SPTBN1: variants seen among roughly 807,000 people sequenced by gnomAD.
SPTBN1 encodes the protein spectrin beta, non-erythrocytic 1.
A neutral mutation model predicts 266.4 loss-of-function variants in SPTBN1; 32 were observed. The ratio of observed to expected loss-of-function variants is 0.12; its 90% CI spans 0.09 to 0.16. The LOEUF is 0.16. Ranked by LOEUF, SPTBN1 falls within the 10% of genes least tolerant of loss-of-function variation. The pLI, the probability that SPTBN1 is intolerant of heterozygous loss-of-function variation, is 1.00. For missense variants in SPTBN1, 2,296 were observed against 3,067.1 expected (o/e 0.75, Z 5.94); for synonymous variants, 1,336 against 1,162.2 (o/e 1.15, Z -3.04).
At chr2:54,656,050 C>G (rs761554805) in intron 29 of SPTBN1, 52 bp downstream of exon 29, 2 of 1,473,286 alleles carry the variant, frequency 1.4e-6, no homozygotes, top group African/African-American at 1.4e-5. Context: ...GGAAAACATG[C>G]ACGTTTATTT....
chr2:54,648,722 G>A (rs989306026), intron 24 of SPTBN1, among the ~76,000 whole-genome samples: 3 of 152,168 alleles, frequency 2.0e-5, no homozygotes, highest in Admixed American at 2.0e-4. Flanking sequence ...GCAGAATGAG[G>A]CACTACCCAT....
chr2:54,606,859 A>C (rs773844184), intron 3 of SPTBN1, among the ~76,000 whole-genome samples: 2 of 152,220 alleles, frequency 1.3e-5, no homozygotes, highest in Non-Finnish European at 2.9e-5. Context: ...CCGTGGAGAG[A>C]GAGCACCAGT....
chr2:54,475,728 A>G (rs1262886938), intron 1 of SPTBN1, among the ~76,000 whole-genome samples: 1 of 152,184 alleles, frequency 6.6e-6, no homozygotes, highest in East Asian at 1.9e-4. Flanking sequence ...ATTCAGACTC[A>G]TTGTTTAGTG....
chr2:54,616,904 A>G (rs1196020701), intron 5 of SPTBN1, among the ~76,000 whole-genome samples: 1 of 152,210 alleles, frequency 6.6e-6, no homozygotes, highest in African/African-American at 2.4e-5. Flanking sequence ...TTAGGTGTAG[A>G]TGTAACTCTA....
At chr2:54,600,280 T>G (rs1676408383) in intron 3 of SPTBN1, among the ~76,000 whole-genome samples, 1 of 152,170 alleles carries the variant, frequency 6.6e-6, no homozygotes, top group African/African-American at 2.4e-5. Flanking sequence ...CAGAAAAGTA[T>G]TCTCTTCCCT....
intron 2 of SPTBN1, among the ~76,000 whole-genome samples, chr2:54,542,320 T>C (rs545089953): frequency 6.6e-6 from 1 of 152,234 alleles, no homozygotes; most frequent in South Asian, 2.1e-4. Flanking sequence ...CGAGATGCCA[T>C]GAGAAGAGCT....
intron 19 of SPTBN1, 73 bp downstream of exon 19, chr2:54,643,202 A>G: frequency 1.9e-6 from 3 of 1,583,980 alleles, no homozygotes; most frequent in South Asian, 2.3e-5. Flanking sequence ...TTTATTTAGC[A>G]CATTTTCCAG....
In SPTBN1 at chr2:54,629,366, C is replaced by G. The variant is rs759285692; in HGVS notation, c.2232C>G (p.Ser744=). 1 of 1,614,090 alleles carries G rather than the reference C, an allele frequency of 6.2e-7. No homozygotes were observed. The highest frequency in any genetic ancestry group is 2.2e-5 in the East Asian group (1 of 44,886). ...AIRKKRLEEA[S]LLHQFQADAD... is the part of the protein sequence containing the mutation. ...GGAAGAAGCGCCTGGAGGAGGCCTC[C>G]CTGCTGCACCAGTTCCAGGCAGATG... The change falls in exon 14 of 36, where the codon TCC becomes TCG. Residue 744 remains serine (S), a synonymous_variant. Transcript: ENST00000356805.
chr2:54,569,410 T>C (rs1267821210), intron 2 of SPTBN1, among the ~76,000 whole-genome samples: 1 of 152,126 alleles, frequency 6.6e-6, no homozygotes, highest in Non-Finnish European at 1.5e-5. Flanking sequence ...ATTGACGCCC[T>C]GAAAAGAAAG....
At chr2:54,635,800 C>T (rs2103974736) in intron 17 of SPTBN1, among the ~76,000 whole-genome samples, 1 of 152,302 alleles carries the variant, frequency 6.6e-6, no homozygotes, top group South Asian at 2.1e-4. Context: ...CATATTATCT[C>T]CTTTCTAAAG....
intron 26 of SPTBN1, chr2:54,652,548 A>G (rs976207297): frequency 3.9e-5 from 6 of 152,190 alleles, no homozygotes; most frequent in Admixed American, 6.5e-5. Flanking sequence ...TAAATAATCT[A>G]TGCATATTTC....
intron 2 of SPTBN1, among the ~76,000 whole-genome samples, chr2:54,575,155 G>GT (rs1011541097): frequency 3.9e-5 from 6 of 152,112 alleles, no homozygotes; most frequent in Admixed American, 6.5e-5. Context: ...AGATTTTGAG[G>GT]TTTTTTTTGT....
At chr2:54,495,571 C>T (rs188469141) in intron 1 of SPTBN1, among the ~76,000 whole-genome samples, 6 of 152,078 alleles carry the variant, frequency 3.9e-5, no homozygotes, top group African/African-American at 1.4e-4. Flanking sequence ...ATTTAAATTG[C>T]CTTTAATCCC....
intron 6 of SPTBN1, among the ~76,000 whole-genome samples, 173 bp from the exon 7 acceptor site, chr2:54,617,905 A>G (rs1677718420): frequency 6.6e-6 from 1 of 152,158 alleles, no homozygotes; most frequent in South Asian, 2.1e-4. Flanking sequence ...TTAACTTTGA[A>G]GTGTTTATTC....
Position 54,666,100 on chromosome 2 carries a change from C to T in SPTBN1, c.6833+12C>T, listed in dbSNP as rs3817163. On this transcript the variant is annotated intron_variant, in intron 34 of 35. Coordinates refer to ENST00000356805, the MANE Select transcript of SPTBN1 (RefSeq NM_003128.3). Reference sequence around the variant, plus strand: ...GTATTCAAGCTAAGGTGAGAGTCGCCGTGCTTCATGGCTGCCAGAGTGGGT... The same window carrying T: ...GTATTCAAGCTAAGGTGAGAGTCGCTGTGCTTCATGGCTGCCAGAGTGGGT... 0.32 allele frequency: 519,049 copies of T among 1,601,812 alleles called. 88,446 individuals carry two copies. Among genetic ancestry groups the T allele is most frequent in the Admixed American group, 0.39 (22,782 of 57,996 alleles).
At chr2:54,468,505 T>C (rs969342664) in intron 1 of SPTBN1, among the ~76,000 whole-genome samples, 3 of 152,184 alleles carry the variant, frequency 2.0e-5, no homozygotes, top group African/African-American at 7.2e-5. Context: ...TATAATGACA[T>C]GATGATGTTC....
chr2:54,620,167 G>T (rs965223214), intron 7 of SPTBN1, among the ~76,000 whole-genome samples: 1 of 152,230 alleles, frequency 6.6e-6, no homozygotes, highest in East Asian at 1.9e-4. Context: ...AGGTGGAGTG[G>T]CATAGGGGCT....
chr2:54,603,461 A>G (rs1676629093), intron 3 of SPTBN1, among the ~76,000 whole-genome samples: 1 of 152,198 alleles, frequency 6.6e-6, no homozygotes, highest in Non-Finnish European at 1.5e-5. Context: ...AACAGTTACC[A>G]GTGACTTGCC....
intron 1 of SPTBN1, among the ~76,000 whole-genome samples, chr2:54,522,851 G>A (rs1189099059): frequency 1.3e-5 from 2 of 152,138 alleles, no homozygotes; most frequent in African/African-American, 4.8e-5. Context: ...TGCAGCGCAG[G>A]TATAGCAGCC....
Sources: allele counts gnomAD v4.1 joint callset (sites outside exome capture counted in the v4.1 genomes callset), GRCh38; gene constraint gnomAD v4.1.1; transcripts MANE v1.5; gene names NCBI Gene and HGNC (gene_info 2026-07-23, HGNC 2026-07-21).